NAV2: variants seen among roughly 807,000 people sequenced by gnomAD.
NAV2 encodes the protein helicase, APC down-regulated 1.
In NAV2, 54 loss-of-function variants were observed where a neutral mutation model predicts 223.2. The ratio of observed to expected loss-of-function variants is 0.24; its 90% CI spans 0.19 to 0.30. NAV2 has a LOEUF of 0.30. Ranked by LOEUF, NAV2 falls within the 10% of genes least tolerant of loss-of-function variation. NAV2 has a pLI of 1.00. For synonymous variants in NAV2, 1,279 were observed against 1,239.3 expected (o/e 1.03, Z -0.67); for missense variants, 2,806 against 3,147.5 (o/e 0.89, Z 2.60).
chr11:20,012,242 C>G (rs138651413), intron 11 of NAV2, among the ~76,000 whole-genome samples: 8 of 152,320 alleles, frequency 5.3e-5, no homozygotes, highest in African/African-American at 1.4e-4. Context: ...ATCTTTCTCT[C>G]TAAACTTAAG....
At chr11:19,827,887 G>T (rs1189861020) in intron 1 of NAV2, among the ~76,000 whole-genome samples, 1 of 151,670 alleles carries the variant, frequency 6.6e-6, no homozygotes, top group Non-Finnish European at 1.5e-5. Flanking sequence ...CCACGCCCAG[G>T]CCTAGGAGGG....
chr11:19,754,077 G>T (rs2054051437), intron 1 of NAV2, among the ~76,000 whole-genome samples: 1 of 152,166 alleles, frequency 6.6e-6, no homozygotes, highest in Non-Finnish European at 1.5e-5. Flanking sequence ...CTTTACAAAA[G>T]GGCTTGCTAG....
chr11:19,805,301 C>T (rs543395978), intron 1 of NAV2, among the ~76,000 whole-genome samples: 1 of 152,170 alleles, frequency 6.6e-6, no homozygotes, highest in East Asian at 1.9e-4. Context: ...CAGACCTCTT[C>T]TTATTTTTAG....
chr11:19,755,247 A>C (rs1360515173), intron 1 of NAV2, among the ~76,000 whole-genome samples: 1 of 152,238 alleles, frequency 6.6e-6, no homozygotes, highest in African/African-American at 2.4e-5. Context: ...CAGAGTAGAC[A>C]ACTAAAAATA....
At chr11:19,726,554 C>T (rs2051273974) in intron 1 of NAV2, among the ~76,000 whole-genome samples, 1 of 152,194 alleles carries the variant, frequency 6.6e-6, no homozygotes, top group African/African-American at 2.4e-5. Flanking sequence ...GGTGCCTTTC[C>T]TGAGTTTAGA....
At chr11:19,870,242 A>G (rs1432094616) in intron 4 of NAV2, among the ~76,000 whole-genome samples, 1 of 152,070 alleles carries the variant, frequency 6.6e-6, no homozygotes, top group Non-Finnish European at 1.5e-5. Flanking sequence ...CATGTGGAAT[A>G]TGCTTTGCTG....
chr11:19,593,834 T>A (rs933306845), intron 1 of NAV2, among the ~76,000 whole-genome samples: 3 of 152,210 alleles, frequency 2.0e-5, no homozygotes, highest in African/African-American at 7.2e-5. Context: ...GCCATCTGTA[T>A]ATTCTTTTCA....
chr11:19,702,032 A>T (rs953956795), intron 1 of NAV2, among the ~76,000 whole-genome samples: 2 of 152,172 alleles, frequency 1.3e-5, no homozygotes, highest in African/African-American at 4.8e-5. Flanking sequence ...CTGGCATCCC[A>T]CTTTCCTCTC....
intron 20 of NAV2, among the ~76,000 whole-genome samples, chr11:20,067,317 G>A (rs906610397): frequency 1.3e-5 from 2 of 152,142 alleles, no homozygotes; most frequent in African/African-American, 4.8e-5. Context: ...AGTGAGAGGA[G>A]GGCAGAAAAT....
chr11:19,398,133 C>CTACACATTTCTACAA (rs1381294989), intron 1 of NAV2, among the ~76,000 whole-genome samples: 4 of 152,100 alleles, frequency 2.6e-5, no homozygotes, highest in African/African-American at 9.7e-5. Flanking sequence ...ATACTGCAGG[C>CTACACATTTCTACAA]TGTGTAGAAA....
chr11:19,546,909 A>AT (rs2044516502), intron 1 of NAV2, among the ~76,000 whole-genome samples: 1 of 152,136 alleles, frequency 6.6e-6, no homozygotes. Flanking sequence ...CTTCTGTCTC[A>AT]TTTTTTACAT....
intron 1 of NAV2, chr11:19,351,130 C>A: frequency 1.7e-6 from 2 of 1,201,760 alleles, no homozygotes; most frequent in Non-Finnish European, 2.4e-6. Context: ...GTCTGTCTTT[C>A]TCTCCGGAAG....
chr11:19,737,437 G>A (rs1283535295), intron 1 of NAV2, among the ~76,000 whole-genome samples: 2 of 152,182 alleles, frequency 1.3e-5, no homozygotes, highest in Non-Finnish European at 2.9e-5. Flanking sequence ...ATTACATCAT[G>A]GCAGGGAGAA....
chr11:19,876,236 C>T (rs2062822544), intron 4 of NAV2, among the ~76,000 whole-genome samples: 1 of 152,112 alleles, frequency 6.6e-6, no homozygotes, highest in African/African-American at 2.4e-5. Context: ...CCATGTGAGC[C>T]AGGCTGGTTT....
intron 27 of NAV2, among the ~76,000 whole-genome samples, chr11:20,091,624 G>A (rs2060857533): frequency 6.6e-6 from 1 of 152,076 alleles, no homozygotes; most frequent in Admixed American, 6.5e-5. Context: ...ATACCTTTCT[G>A]TGGACATAGC....
intron 1 of NAV2, among the ~76,000 whole-genome samples, chr11:19,371,361 T>C (rs773018199): frequency 6.6e-6 from 1 of 152,202 alleles, no homozygotes; most frequent in Non-Finnish European, 1.5e-5. Flanking sequence ...ATGTTCTTCC[T>C]GTTTCCATCT....
At chr11:19,521,401 G>A (rs772868139) in intron 1 of NAV2, among the ~76,000 whole-genome samples, 3 of 152,102 alleles carry the variant, frequency 2.0e-5, no homozygotes, top group Admixed American at 6.5e-5. Flanking sequence ...TAGAATCCAC[G>A]GCCAAATCGG....
rs755425144 is a variant in NAV2 at position 20,054,092 on chromosome 11, C to T, written c.4494C>T (p.Thr1498=). The T allele has an allele frequency of 2.5e-6, 4 of 1,612,494 alleles. No homozygotes were observed. The highest frequency in any genetic ancestry group is 2.2e-5 in the South Asian group (2 of 90,738). Residue 1498 remains threonine, a synonymous_variant, in exon 18 of 38, where the codon ACC becomes ACT. Transcript: ENST00000349880. ...TCTGTCTGTCCAGGTATACTCCCAC[C>T]TCCCAGCTTCGCACGCAAGAAGATG... The part of the protein sequence containing the change: ...LPKKGLRYTP[T]SQLRTQEDAK...
chr11:19,370,757 T>C (rs941772393), intron 1 of NAV2, among the ~76,000 whole-genome samples: 42 of 152,190 alleles, frequency 2.8e-4, no homozygotes, highest in African/African-American at 9.4e-4. Flanking sequence ...CGTGCACAGA[T>C]ACATCATTTG....
Sources: allele counts gnomAD v4.1 joint callset (sites outside exome capture counted in the v4.1 genomes callset), GRCh38; gene constraint gnomAD v4.1.1; transcripts MANE v1.5; gene names NCBI Gene and HGNC (gene_info 2026-07-23, HGNC 2026-07-21).